ENTREP2: variants seen among roughly 807,000 people sequenced by gnomAD.
ENTREP2 encodes the protein protein ENTREP2.
At chr15:29,602,001 G>T in the ENTREP2 span, among the ~76,000 whole-genome samples, 1 of 152,196 alleles carries the variant, frequency 6.6e-6, no homozygotes, top group African/African-American at 2.4e-5. Flanking sequence ...TGTGCTCCAT[G>T]CAATGACTCA....
the ENTREP2 span, among the ~76,000 whole-genome samples, chr15:29,423,755 G>A: frequency 6.6e-6 from 1 of 152,054 alleles, no homozygotes; most frequent in Admixed American, 6.5e-5. Context: ...CAGATATCGC[G>A]CCACTGCACT....
the ENTREP2 span, among the ~76,000 whole-genome samples, chr15:29,655,998 C>T: frequency 4.7e-4 from 67 of 143,982 alleles, no homozygotes; most frequent in African/African-American, 1.7e-3. Flanking sequence ...CACTCCAGCC[C>T]GGGTGACAAA....
At chr15:29,453,767 A>G in the ENTREP2 span, among the ~76,000 whole-genome samples, 65,270 of 152,122 alleles carry the variant, frequency 0.43, 15,861 homozygotes, top group East Asian at 0.53. Context: ...ACTGTATAGC[A>G]GGAATCTTGC....
At chr15:29,124,786 A>AACAC in the ENTREP2 span, 1 of 1,542,508 alleles carries the variant, frequency 6.5e-7, no homozygotes, top group Non-Finnish European at 8.8e-7. Flanking sequence ...GAATTCAGTG[A>AACAC]ACACATGAAA....
chr15:29,509,370 T>C, the ENTREP2 span, among the ~76,000 whole-genome samples: 226 of 152,242 alleles, frequency 1.5e-3, no homozygotes, highest in African/African-American at 5.2e-3. Flanking sequence ...CAAGCTACCA[T>C]TGACTTTCTT....
the ENTREP2 span, among the ~76,000 whole-genome samples, chr15:29,236,810 C>T: frequency 6.6e-6 from 1 of 151,834 alleles, no homozygotes; most frequent in Non-Finnish European, 1.5e-5. Flanking sequence ...GAAGTGAAGA[C>T]TTCACAACAC....
At chr15:29,437,987 T>C in the ENTREP2 span, among the ~76,000 whole-genome samples, 1 of 152,184 alleles carries the variant, frequency 6.6e-6, no homozygotes, top group Non-Finnish European at 1.5e-5. Context: ...TAAAAGCCAA[T>C]GTATCAGCTA....
the ENTREP2 span, among the ~76,000 whole-genome samples, chr15:29,313,040 T>C: frequency 1.3e-5 from 2 of 152,134 alleles, no homozygotes; most frequent in African/African-American, 2.4e-5. Context: ...CTATGAGTGG[T>C]CTAACAGAAG....
chr15:29,383,567 G>C, the ENTREP2 span, among the ~76,000 whole-genome samples: 1 of 152,168 alleles, frequency 6.6e-6, no homozygotes, highest in Non-Finnish European at 1.5e-5. Flanking sequence ...TGGCTGGAAG[G>C]GCTTGGCTGC....
the ENTREP2 span, among the ~76,000 whole-genome samples, chr15:29,195,690 A>T: frequency 6.6e-6 from 1 of 151,728 alleles, no homozygotes; most frequent in Non-Finnish European, 1.5e-5. Flanking sequence ...ACACCTGGCT[A>T]ATTTTTGTAT....
chr15:29,407,899 G>A, the ENTREP2 span, among the ~76,000 whole-genome samples: 2 of 151,874 alleles, frequency 1.3e-5, no homozygotes, highest in African/African-American at 4.8e-5. Context: ...GGCTGGTCTC[G>A]AACTCCTGAC....
the ENTREP2 span, among the ~76,000 whole-genome samples, chr15:29,438,503 A>G: frequency 6.6e-6 from 1 of 152,138 alleles, no homozygotes; most frequent in African/African-American, 2.4e-5. Context: ...TCAGTGCTGA[A>G]ATAGAGTGTA....
the ENTREP2 span, among the ~76,000 whole-genome samples, chr15:29,240,289 G>A: frequency 6.6e-6 from 1 of 151,946 alleles, no homozygotes; most frequent in Non-Finnish European, 1.5e-5. Context: ...GCTTGAACCC[G>A]GGAGGCGGAG....
the ENTREP2 span, among the ~76,000 whole-genome samples, chr15:29,281,974 A>G: frequency 5.3e-5 from 8 of 152,330 alleles, no homozygotes; most frequent in East Asian, 3.9e-4. Flanking sequence ...AGATATTTCA[A>G]TGTTACCTGG....
the ENTREP2 span, among the ~76,000 whole-genome samples, chr15:29,630,452 T>G: frequency 6.6e-6 from 1 of 152,176 alleles, no homozygotes; most frequent in Non-Finnish European, 1.5e-5. Context: ...TGTATCTTGA[T>G]GTGGATTCTT....
chr15:29,370,661 C>T, the ENTREP2 span, among the ~76,000 whole-genome samples: 10 of 152,110 alleles, frequency 6.6e-5, no homozygotes, highest in East Asian at 1.9e-4. Flanking sequence ...ATAGATACCC[C>T]GGCCCTATGC....
At chr15:29,386,928 A>G in the ENTREP2 span, among the ~76,000 whole-genome samples, 2 of 152,208 alleles carry the variant, frequency 1.3e-5, no homozygotes, top group Non-Finnish European at 2.9e-5. Flanking sequence ...TAAATATACA[A>G]TCATGTCATT....
chr15:29,289,078 A>G, the ENTREP2 span, among the ~76,000 whole-genome samples: 1 of 151,878 alleles, frequency 6.6e-6, no homozygotes, highest in Admixed American at 6.6e-5. Context: ...GTGGTGGTGT[A>G]TGCCTGCAGT....
At chr15:29,455,481 T>C in the ENTREP2 span, among the ~76,000 whole-genome samples, 5 of 152,260 alleles carry the variant, frequency 3.3e-5, no homozygotes, top group Non-Finnish European at 7.3e-5. Flanking sequence ...TACATGATCA[T>C]ACATATTTCT....
Sources: gnomAD v4.1 joint callset for allele counts (sites outside exome capture counted in the v4.1 genomes callset) on GRCh38, gnomAD v4.1.1 for gene constraint, MANE v1.5 for transcripts, NCBI Gene and HGNC (gene_info 2026-07-23, HGNC 2026-07-21) for gene names.